ATP9B: variants seen among roughly 807,000 people sequenced by gnomAD.
ATP9B encodes the protein probable phospholipid-transporting ATPase IIB.
Under a neutral mutation model 146.1 loss-of-function variants are expected in ATP9B, and 110 were observed. That is an observed-to-expected ratio of 0.75 (90% CI 0.65 to 0.88). The LOEUF (loss-of-function observed/expected upper bound fraction) is 0.88, where lower values mean the gene tolerates loss of function less well. Ranked by LOEUF, ATP9B falls within the 40% of genes least tolerant of loss-of-function variation. The pLI is 0.00. For missense variants in ATP9B, 1,499 were observed against 1,496.4 expected, an observed-to-expected ratio of 1.00 and a Z score of -0.03; for synonymous variants, 604 against 569.7, an observed-to-expected ratio of 1.06 and a Z score of -0.86.
chr18:79,071,398 C>CTTTTTTTTTTTTTTTTTTTTTTTTTT lies in ATP9B; in HGVS notation c.119+1869_119+1870insTTTTTTTTTTTTTTTTTTTTTTTTTT, dbSNP rs747150962. ...TATTTCCCCTTTTTCTATTGTTCTTCCTTTTTTTTTTTTTTGAGACAGGGT... is the reference window on the plus strand; with the variant it reads ...TATTTCCCCTTTTTCTATTGTTCTTCTTTTTTTTTTTTTTTTTTTTTTTTTTCTTTTTTTTTTTTTTGAGACAGGGT... On this transcript the variant is annotated intron_variant, in intron 1 of 29. Coordinates refer to ENST00000426216, the MANE Select transcript of ATP9B (RefSeq NM_198531.5). 5.9e-3 allele frequency among the ~76,000 whole-genome samples: 131 copies of CTTTTTTTTTTTTTTTTTTTTTTTTTT among 22,352 alleles called. 1 individual carries two copies. Among genetic ancestry groups the CTTTTTTTTTTTTTTTTTTTTTTTTTT allele is most frequent in the Admixed American group, 7.4e-3 (9 of 1,212 alleles). The allele number at this position is 22,352 out of a possible 152,430, so 14.7% of individuals were successfully genotyped here.
chr18:79,316,357 T>C (rs1443250121), intron 15 of ATP9B, among the ~76,000 whole-genome samples: 2 of 152,326 alleles, frequency 1.3e-5, no homozygotes, highest in Middle Eastern at 3.4e-3. Context: ...ATGTGAGGGC[T>C]GCAGCCACGT....
chr18:79,319,690 G>A (rs539258128), intron 15 of ATP9B, among the ~76,000 whole-genome samples: 18 of 152,260 alleles, frequency 1.2e-4, no homozygotes, highest in South Asian at 6.2e-4. Flanking sequence ...TATCTGTACC[G>A]TATATCCATT....
intron 2 of ATP9B, among the ~76,000 whole-genome samples, chr18:79,104,552 T>C (rs963082872): frequency 6.6e-5 from 10 of 152,222 alleles, no homozygotes; most frequent in East Asian, 1.9e-4. Context: ...ATTTTTCTGG[T>C]TTTTCACATG....
Position 79,347,805 on chromosome 18 carries a change from C to T in ATP9B, c.2718C>T (p.Ser906=), listed in dbSNP as rs867316416. 2 of 1,606,138 alleles carry T rather than the reference C, an allele frequency of 1.2e-6. No homozygotes were observed. Among genetic ancestry groups the T allele is most frequent in the Non-Finnish European group, 1.7e-6 (2 of 1,174,856 alleles). The change falls in exon 24 of 30, where the codon TCC becomes TCT. Residue 906 remains serine, a synonymous_variant. Coordinates refer to ENST00000426216, the MANE Select transcript of ATP9B (RefSeq NM_198531.5). ...AGGCCTCGCTGGCGGCCGACTTCTC[C>T]ATCACGCAGTTCCGGCACATAGGCA... ...GKQASLAADF[S]ITQFRHIGRL... is the part of the protein sequence containing the mutation.
chr18:79,084,137 G>A (rs1189870364), intron 1 of ATP9B, among the ~76,000 whole-genome samples: 3 of 150,644 alleles, frequency 2.0e-5, no homozygotes, highest in Middle Eastern at 3.5e-3. Context: ...GATTACAGGC[G>A]TGAGCCACTG....
intron 11 of ATP9B, among the ~76,000 whole-genome samples, chr18:79,230,553 C>T (rs904854917): frequency 2.0e-5 from 3 of 152,080 alleles, no homozygotes; most frequent in Admixed American, 6.5e-5. Context: ...CTACAAAATA[C>T]TGCTGAAAGA....
chr18:79,322,053 G>A (rs2096719059), intron 15 of ATP9B, among the ~76,000 whole-genome samples: 1 of 152,186 alleles, frequency 6.6e-6, no homozygotes. Flanking sequence ...TGATGCACAG[G>A]TGCCACCTCC....
intron 11 of ATP9B, among the ~76,000 whole-genome samples, chr18:79,222,929 G>A (rs906370205): frequency 2.6e-5 from 4 of 152,184 alleles, no homozygotes; most frequent in African/African-American, 9.7e-5. Context: ...GGAGGTTAAG[G>A]AAAAATCAAT....
chr18:79,339,390 G>A (rs189035211), intron 19 of ATP9B, among the ~76,000 whole-genome samples: 8 of 151,226 alleles, frequency 5.3e-5, no homozygotes, highest in African/African-American at 1.7e-4. Flanking sequence ...AGTAGGAAGT[G>A]TGCATGATTG....
At chr18:79,200,576 A>G (rs902797024) in intron 9 of ATP9B, among the ~76,000 whole-genome samples, 2 of 152,208 alleles carry the variant, frequency 1.3e-5, no homozygotes, top group Non-Finnish European at 2.9e-5. Context: ...AAAAAAGGCA[A>G]CTCATAAAAT....
intron 7 of ATP9B, among the ~76,000 whole-genome samples, chr18:79,164,591 C>T (rs1157910990): frequency 4.0e-5 from 6 of 151,870 alleles, no homozygotes; most frequent in African/African-American, 9.7e-5. Flanking sequence ...TGGTGGCGGG[C>T]GCCTGTAGTC....
At chr18:79,126,961 T>TG (rs1318855006) in intron 5 of ATP9B, among the ~76,000 whole-genome samples, 1 of 151,824 alleles carries the variant, frequency 6.6e-6, no homozygotes, top group African/African-American at 2.4e-5. Context: ...AAGAAGAGAG[T>TG]GGGGGAAACG....
At chr18:79,091,907 T>C (rs1243924906) in intron 1 of ATP9B, among the ~76,000 whole-genome samples, 1 of 152,218 alleles carries the variant, frequency 6.6e-6, no homozygotes, top group Non-Finnish European at 1.5e-5. Context: ...TTGGTTTTGC[T>C]GTATGTGTTT....
At chr18:79,325,887 C>A (rs1160316782) in intron 15 of ATP9B, among the ~76,000 whole-genome samples, 1 of 150,844 alleles carries the variant, frequency 6.6e-6, no homozygotes, top group Non-Finnish European at 1.5e-5. Context: ...CTGTACCCTC[C>A]GTCCCCTCAC....
chr18:79,136,264 C>T (rs2147313669), intron 5 of ATP9B, among the ~76,000 whole-genome samples: 1 of 152,310 alleles, frequency 6.6e-6, no homozygotes, highest in Non-Finnish European at 1.5e-5. Context: ...AGAGAACTGA[C>T]ATTTTAATAA....
intron 17 of ATP9B, among the ~76,000 whole-genome samples, chr18:79,335,075 T>C (rs557280519): frequency 6.6e-6 from 1 of 152,084 alleles, no homozygotes; most frequent in East Asian, 1.9e-4. Flanking sequence ...GTTTTCACTT[T>C]GCACACAAGG....
At chr18:79,127,869 C>A (rs975827109) in intron 5 of ATP9B, among the ~76,000 whole-genome samples, 1 of 152,126 alleles carries the variant, frequency 6.6e-6, no homozygotes, top group Non-Finnish European at 1.5e-5. Context: ...CTCACCTGTA[C>A]ATAACTCTCT....
rs1370175866 is a variant in ATP9B, at chr18:79,241,274, G to C, written c.1108-12107G>C. ...GGACAGATGGGTTTGTCCCGTGTGA[G>C]AATTCCGCAGCCTTTCCATTCTCTT... is the stretch of plus-strand genomic sequence containing the variant. On this transcript the variant is annotated intron_variant, in intron 11 of 29. Transcript: ENST00000426216. Among the ~76,000 whole-genome samples the C allele has an allele frequency of 4.6e-5, 7 of 152,076 alleles. 1 individual carries two copies. Among genetic ancestry groups the C allele is most frequent in the Admixed American group, 4.6e-4 (7 of 15,264 alleles).
Position 79,096,482 on chromosome 18 carries a change from G to C in ATP9B, c.126G>C (p.Gln42His), listed in dbSNP as rs778542702. The C allele has an allele frequency of 1.2e-6, 2 of 1,613,786 alleles. No homozygotes were observed. The highest frequency in any genetic ancestry group is 1.7e-6 in the Non-Finnish European group (2 of 1,179,880). ...RPGADRHSRYQLEDESAHLDE... is the reference protein window; with the variant it reads ...RPGADRHSRYHLEDESAHLDE... Reference sequence around the variant, plus strand: ...CCATTTTTACCCTAACTAGGTACCAGCTGGAGGATGAGTCTGCGCATTTGG... The same window carrying C: ...CCATTTTTACCCTAACTAGGTACCACCTGGAGGATGAGTCTGCGCATTTGG... Residue 42 changes from glutamine to histidine, a missense_variant, in exon 2 of 30, where the codon CAG becomes CAC. Gln to His is a conservative substitution (Grantham distance 24). Transcript: ENST00000426216.
Sources: allele counts gnomAD v4.1 joint callset (sites outside exome capture counted in the v4.1 genomes callset), GRCh38; gene constraint gnomAD v4.1.1; transcripts MANE v1.5; gene names NCBI Gene and HGNC (gene_info 2026-07-23, HGNC 2026-07-21).